The following TP53INP1 variants were observed in gnomAD, a reference collection of about 807,000 sequenced individuals.
The protein encoded by TP53INP1 is tumor protein p53-inducible nuclear protein 1.
TP53INP1 carries 12 observed loss-of-function variants against 21.0 expected under a neutral mutation model. The observed-to-expected ratio is 0.57, with a 90% confidence interval of 0.37 to 0.93. The LOEUF (loss-of-function observed/expected upper bound fraction) is 0.93, where lower values mean the gene tolerates loss of function less well. Among genes scored for constraint, TP53INP1 ranks in the 40% least tolerant of loss-of-function variants. The pLI, the probability that TP53INP1 is intolerant of heterozygous loss-of-function variation, is 0.01. For missense variants in TP53INP1, 274 were observed against 294.7 expected, an observed-to-expected ratio of 0.93 and a Z score of 0.51; for synonymous variants, 91 against 94.8, an observed-to-expected ratio of 0.96 and a Z score of 0.23.
chr8:94,932,659 T>A (rs970347405), intron 3 of TP53INP1, among the ~76,000 whole-genome samples: 10 of 151,784 alleles, frequency 6.6e-5, no homozygotes, highest in African/African-American at 1.9e-4. Context: ...AAAAATTAGC[T>A]GGGTGCGGTG....
intron 3 of TP53INP1, chr8:94,931,935 G>T: frequency 1.3e-6 from 1 of 782,758 alleles, no homozygotes; most frequent in Non-Finnish European, 2.0e-6. Context: ...TCACACCATT[G>T]CACTCCAGCC....
Position 94,927,800 on chromosome 8 carries a change from A to G in TP53INP1, c.*2679T>C, listed in dbSNP as rs1262649456. 2 of 152,562 alleles carry G rather than the reference A, an allele frequency of 1.3e-5. No homozygotes were observed. Among genetic ancestry groups the G allele is most frequent in the African/African-American group, 2.4e-5 (1 of 41,440 alleles). 9.5% of individuals were successfully genotyped at this position (152,562 alleles called of 1,614,324 possible). On this transcript the variant is annotated 3_prime_UTR_variant, in exon 4 of 4. Transcript: ENST00000342697. ...ATATTCCAGACTTTTTCCAAGTAAC[A>G]TTCTATGTTAACAGTTTAGAGCTAC...
At chr8:94,944,641 T>C (rs1045342301) in intron 1 of TP53INP1, among the ~76,000 whole-genome samples, 2 of 152,128 alleles carry the variant, frequency 1.3e-5, no homozygotes, top group Admixed American at 1.3e-4. Flanking sequence ...TTCATCTCAC[T>C]CAAGCCACTG....
intron 3 of TP53INP1, among the ~76,000 whole-genome samples, chr8:94,939,462 T>A (rs1023436401): frequency 6.6e-6 from 1 of 152,244 alleles, no homozygotes; most frequent in Admixed American, 6.5e-5. Flanking sequence ...AGTGGCACAA[T>A]CTTGACTCAA....
At chr8:94,946,763 C>T (rs1295472887) in intron 1 of TP53INP1, among the ~76,000 whole-genome samples, 2 of 143,736 alleles carry the variant, frequency 1.4e-5, no homozygotes, top group Non-Finnish European at 3.0e-5. Context: ...CTACTTGCAA[C>T]CTATGTGAAT....
chr8:94,945,400 C>T (rs1255961281), intron 1 of TP53INP1: 3 of 152,126 alleles, frequency 2.0e-5, no homozygotes, highest in Non-Finnish European at 4.4e-5. Context: ...ATTAACTTCA[C>T]CAGTTTCTTT....
chr8:94,936,174 T>C (rs945958279), intron 3 of TP53INP1, among the ~76,000 whole-genome samples: 1 of 152,182 alleles, frequency 6.6e-6, no homozygotes, highest in African/African-American at 2.4e-5. Context: ...ACCCCTAGGA[T>C]TGAAGGACAT....
intron 1 of TP53INP1, among the ~76,000 whole-genome samples, chr8:94,944,470 G>T (rs1303183837): frequency 6.6e-6 from 1 of 152,232 alleles, no homozygotes; most frequent in African/African-American, 2.4e-5. Context: ...ATACAGGAAA[G>T]GCTTCTCTGG....
intron 3 of TP53INP1, among the ~76,000 whole-genome samples, chr8:94,933,576 T>G (rs980085914): frequency 1.3e-5 from 2 of 151,918 alleles, no homozygotes; most frequent in African/African-American, 4.8e-5. Context: ...ACCAGCTTAA[T>G]CAACATGGTG....
intron 1 of TP53INP1, among the ~76,000 whole-genome samples, chr8:94,946,868 A>AT (rs1208700714): frequency 6.6e-6 from 1 of 152,120 alleles, no homozygotes; most frequent in Non-Finnish European, 1.5e-5. Flanking sequence ...CAGTGTAAGG[A>AT]TTAAGTGTAT....
intron 1 of TP53INP1, among the ~76,000 whole-genome samples, chr8:94,942,429 A>G (rs1210969503): frequency 6.6e-6 from 1 of 152,084 alleles, no homozygotes; most frequent in Non-Finnish European, 1.5e-5. Flanking sequence ...GCCTGCTTCC[A>G]TCCACCACTC....
At chr8:94,939,703 G>A (rs1304120868) in intron 3 of TP53INP1, 157 bp downstream of exon 3, 5 of 1,101,086 alleles carry the variant, frequency 4.5e-6, no homozygotes, top group East Asian at 2.6e-5. Context: ...TGGTCAACAA[G>A]TTATCTTACG....
At position 94,926,893 on chromosome 8, in the gene TP53INP1, TTAAAG is replaced by T. The variant is rs1189201354; in HGVS notation, c.*3581_*3585del. On this transcript the variant is annotated 3_prime_UTR_variant, in exon 4 of 4. Transcript: ENST00000342697. ...AGCATTTTATGTATAATTTTAAGCA[TTAAAG>T]TAAGTAGATAGGGATGCCATTTCTA... is the stretch of plus-strand genomic sequence containing the variant. 2.0e-5 allele frequency: 3 copies of T among 152,324 alleles called. No homozygotes were observed. Among genetic ancestry groups the T allele is most frequent in the African/African-American group, 7.2e-5 (3 of 41,576 alleles). The allele number at this position is 152,324 out of a possible 1,614,324, so 9.4% of individuals were successfully genotyped here.
intron 1 of TP53INP1, among the ~76,000 whole-genome samples, chr8:94,941,354 T>G (rs576477540): frequency 4.6e-5 from 7 of 152,220 alleles, no homozygotes; most frequent in South Asian, 4.1e-4. Context: ...GCTTTTATAA[T>G]AAGGTGAATT....
intron 3 of TP53INP1, among the ~76,000 whole-genome samples, chr8:94,938,655 A>G (rs1821223592): frequency 6.6e-6 from 1 of 152,216 alleles, no homozygotes; most frequent in Admixed American, 6.5e-5. Flanking sequence ...ATAAGACCCC[A>G]ATAGTACTGA....
In TP53INP1 at chr8:94,929,563, T is replaced by C. The variant is rs1243688546; in HGVS notation, c.*916A>G. On this transcript the variant is annotated 3_prime_UTR_variant, in exon 4 of 4. Coordinates refer to ENST00000342697, the MANE Select transcript of TP53INP1 (RefSeq NM_033285.4). Reference sequence around the variant, plus strand: ...GAGGATTTTTCACTCTGTGGAAATATAAAGCCTATCTCTTTTCCCATGGGC... The same window carrying C: ...GAGGATTTTTCACTCTGTGGAAATACAAAGCCTATCTCTTTTCCCATGGGC... 2 of 152,144 alleles carry C rather than the reference T, an allele frequency of 1.3e-5. No individual in the cohort carries two copies. The highest frequency in any genetic ancestry group is 6.5e-5 in the Admixed American group (1 of 15,282). The allele number at this position is 152,144 out of a possible 1,614,324, so 9.4% of individuals were successfully genotyped here.
At chr8:94,931,390 C>A (rs1169026427) in intron 3 of TP53INP1, among the ~76,000 whole-genome samples, 1 of 151,964 alleles carries the variant, frequency 6.6e-6, no homozygotes, top group African/African-American at 2.4e-5. Flanking sequence ...ATATAAGACT[C>A]TTGAATAACA....
At chr8:94,948,307 T>A (rs2131403472) in intron 1 of TP53INP1, among the ~76,000 whole-genome samples, 1 of 152,336 alleles carries the variant, frequency 6.6e-6, no homozygotes, top group African/African-American at 2.4e-5. Context: ...TTCCTATGTG[T>A]AAGATAGCCG....
intron 3 of TP53INP1, among the ~76,000 whole-genome samples, chr8:94,931,609 C>CACACATATATAT (rs146282014): frequency 1.3e-4 from 19 of 151,562 alleles, no homozygotes; most frequent in African/African-American, 3.4e-4. Context: ...CACACACACA[C>CACACATATATAT]ATAAAATTTT....
Sources: allele counts gnomAD v4.1 joint callset (sites outside exome capture counted in the v4.1 genomes callset), GRCh38; gene constraint gnomAD v4.1.1; transcripts MANE v1.5; gene names NCBI Gene and HGNC (gene_info 2026-07-23, HGNC 2026-07-21).